Variants in MACROD2 observed in about 807,000 individuals in gnomAD.
The protein encoded by MACROD2 is mono-ADP ribosylhydrolase 2, also known as ADP-ribose glycohydrolase MACROD2.
In MACROD2, 36 loss-of-function variants were observed where a neutral mutation model predicts 70.4. The ratio of observed to expected loss-of-function variants is 0.51; its 90% confidence interval spans 0.39 to 0.68. The LOEUF (loss-of-function observed/expected upper bound fraction) is 0.68, where lower values mean the gene tolerates loss of function less well. Among genes scored for constraint, MACROD2 ranks in the 30% least tolerant of loss-of-function variants. The pLI, the probability that MACROD2 is intolerant of heterozygous loss-of-function variation, is 0.00. For missense variants in MACROD2, 496 were observed against 538.4 expected, an observed-to-expected ratio of 0.92 and a Z score of 0.78; for synonymous variants, 172 against 178.8, an observed-to-expected ratio of 0.96 and a Z score of 0.30.
chr20:15,147,855 G>A (rs2145856174), intron 5 of MACROD2, among the ~76,000 whole-genome samples: 1 of 152,202 alleles, frequency 6.6e-6, no homozygotes, highest in African/African-American at 2.4e-5. Flanking sequence ...AAGGAAAAAG[G>A]GGGGTTGTTC....
At chr20:14,928,253 C>G (rs1352024604) in intron 5 of MACROD2, among the ~76,000 whole-genome samples, 1 of 151,250 alleles carries the variant, frequency 6.6e-6, no homozygotes, top group Non-Finnish European at 1.5e-5. Flanking sequence ...TTATTCTATC[C>G]TCACGGGTTC....
chr20:15,218,749 T>G (rs1361728726), intron 5 of MACROD2, among the ~76,000 whole-genome samples: 1 of 152,194 alleles, frequency 6.6e-6, no homozygotes, highest in East Asian at 1.9e-4. Context: ...TTTTGAAGAT[T>G]GAGCAGAAAA....
intron 5 of MACROD2, among the ~76,000 whole-genome samples, chr20:15,208,951 G>A (rs1015246143): frequency 3.9e-5 from 6 of 152,098 alleles, no homozygotes; most frequent in Middle Eastern, 3.2e-3. Context: ...TCGGTACAGT[G>A]AGGTGCAGGT....
At chr20:14,739,421 A>G (rs1468452633) in intron 5 of MACROD2, among the ~76,000 whole-genome samples, 4 of 151,960 alleles carry the variant, frequency 2.6e-5, no homozygotes, top group African/African-American at 7.2e-5. Context: ...AAAAGATTAT[A>G]TATATTAATA....
chr20:14,395,690 A>G (rs1010010277), intron 3 of MACROD2, among the ~76,000 whole-genome samples: 14 of 151,950 alleles, frequency 9.2e-5, no homozygotes, highest in African/African-American at 3.1e-4. Context: ...TCATTACTTG[A>G]TACATTTCCT....
intron 15 of MACROD2, among the ~76,000 whole-genome samples, chr20:15,996,909 C>G (rs767645886): frequency 6.6e-6 from 1 of 152,022 alleles, no homozygotes; most frequent in African/African-American, 2.4e-5. Context: ...TAATTTTATT[C>G]TTTTCTATGT....
intron 8 of MACROD2, among the ~76,000 whole-genome samples, chr20:15,730,418 T>C (rs1339769163): frequency 6.6e-6 from 1 of 152,198 alleles, no homozygotes; most frequent in East Asian, 1.9e-4. Flanking sequence ...AGCATTTTCT[T>C]GTCTGAAAAG....
At chr20:15,933,449 T>TC in intron 11 of MACROD2, 111 bp downstream of exon 11, 1 of 965,742 alleles carries the variant, frequency 1.0e-6, no homozygotes, top group Non-Finnish European at 1.5e-6. Context: ...CCAGATGAAC[T>TC]CCAGTGTTCA....
chr20:14,047,852 A>T (rs1157347167), intron 2 of MACROD2, among the ~76,000 whole-genome samples: 2 of 152,338 alleles, frequency 1.3e-5, no homozygotes, highest in East Asian at 3.9e-4. Flanking sequence ...ATTTGTTCTG[A>T]GCTGAAAAAA....
At chr20:15,051,989 G>A (rs116228812) in intron 5 of MACROD2, among the ~76,000 whole-genome samples, 6 of 152,128 alleles carry the variant, frequency 3.9e-5, no homozygotes. Context: ...TTGACCTTGT[G>A]ATCCGCCCGT....
chr20:14,646,654 A>C (rs1203021946), intron 4 of MACROD2, among the ~76,000 whole-genome samples: 1 of 152,030 alleles, frequency 6.6e-6, no homozygotes, highest in African/African-American at 2.4e-5. Context: ...AGAAACAATG[A>C]GGCTGCACAC....
At chr20:15,260,163 T>C (rs2077235902) in intron 6 of MACROD2, among the ~76,000 whole-genome samples, 1 of 151,838 alleles carries the variant, frequency 6.6e-6, no homozygotes, top group African/African-American at 2.4e-5. Context: ...CTTTTAGTTA[T>C]TTTAAAGTAT....
At chr20:15,378,922 C>T (rs1316431542) in intron 6 of MACROD2, among the ~76,000 whole-genome samples, 9 of 152,244 alleles carry the variant, frequency 5.9e-5, no homozygotes, top group Admixed American at 2.6e-4. Flanking sequence ...TGGTGACTCT[C>T]GTTTCATGGT....
chr20:15,752,954 G>C (rs2051294282), intron 8 of MACROD2, among the ~76,000 whole-genome samples: 1 of 152,056 alleles, frequency 6.6e-6, no homozygotes. Flanking sequence ...GTTTGTATAT[G>C]TGTGTATATT....
chr20:15,326,726 C>T (rs1457809999), intron 6 of MACROD2, among the ~76,000 whole-genome samples: 1 of 152,004 alleles, frequency 6.6e-6, no homozygotes, highest in Non-Finnish European at 1.5e-5. Flanking sequence ...AAGATGATGC[C>T]TCTCCCGTGT....
At chr20:15,685,982 G>A (rs2050219667) in intron 8 of MACROD2, among the ~76,000 whole-genome samples, 1 of 152,106 alleles carries the variant, frequency 6.6e-6, no homozygotes, top group East Asian at 1.9e-4. Flanking sequence ...ACAGTGCCTG[G>A]CACTTATTAG....
chr20:15,520,005 A>C lies in MACROD2; in HGVS notation c.645+20158A>C, dbSNP rs200996796. 6.6e-5 allele frequency among the ~76,000 whole-genome samples: 10 copies of C among 152,328 alleles called. No individual in the cohort carries two copies. In the East Asian group the frequency reaches 1.5e-3, roughly 23 times the overall value. On this transcript the variant is annotated intron_variant, in intron 8 of 17. Transcript: ENST00000684519. Reference sequence around the variant, plus strand: ...GATGCAGAGGAGTCTCTTCTGTTGGAGTTAGGGGAAGCGGCGAGAATAAAA... The same window carrying C: ...GATGCAGAGGAGTCTCTTCTGTTGGCGTTAGGGGAAGCGGCGAGAATAAAA...
At chr20:14,272,798 A>G (rs2082209094) in intron 3 of MACROD2, among the ~76,000 whole-genome samples, 1 of 152,226 alleles carries the variant, frequency 6.6e-6, no homozygotes, top group Admixed American at 6.5e-5. Flanking sequence ...GGATGGAGGA[A>G]GATCTACCAA....
intron 3 of MACROD2, among the ~76,000 whole-genome samples, chr20:14,434,427 C>T (rs1462347555): frequency 6.6e-6 from 1 of 151,812 alleles, no homozygotes; most frequent in African/African-American, 2.4e-5. Context: ...CATCCCCTTT[C>T]CCAGTATTAG....
Sources: gnomAD v4.1 joint callset for allele counts (sites outside exome capture counted in the v4.1 genomes callset) on GRCh38, gnomAD v4.1.1 for gene constraint, MANE v1.5 for transcripts, NCBI Gene and HGNC (gene_info 2026-07-23, HGNC 2026-07-21) for gene names.